The following SETD1A variants were observed in gnomAD, a reference collection of about 807,000 sequenced individuals.
SETD1A encodes the protein histone-lysine N-methyltransferase SETD1A.
SETD1A carries 29 observed loss-of-function variants against 149.9 expected under a neutral mutation model. That is an observed-to-expected ratio of 0.19 (90% confidence interval 0.14 to 0.26). The LOEUF is 0.26. Ranked by LOEUF, SETD1A falls within the 10% of genes least tolerant of loss-of-function variation. SETD1A has a pLI of 1.00. For synonymous variants in SETD1A, 1,141 were observed against 968.5 expected (o/e 1.18, Z -3.31); for missense variants, 2,109 against 2,353.1 (o/e 0.90, Z 2.15).
In SETD1A at chr16:30,964,138, A is replaced by G. The variant is rs759995323; in HGVS notation, c.684A>G (p.Pro228=). The G allele has an allele frequency of 1.2e-6, 2 of 1,613,982 alleles. No individual in the cohort carries two copies. Among genetic ancestry groups the G allele is most frequent in the South Asian group, 1.1e-5 (1 of 91,078 alleles). The part of the protein sequence containing the change: ...RRSSSDTAAY[P]AGTTAVGTPG... ...CTTCCTCTGACACAGCTGCCTACCCAGCAGGCACCACTGCGGTGGGCACTC... is the reference window on the plus strand; with the variant it reads ...CTTCCTCTGACACAGCTGCCTACCCGGCAGGCACCACTGCGGTGGGCACTC... The change falls in exon 6 of 19, where the codon CCA becomes CCG. Residue 228 remains proline, a synonymous_variant. Transcript: ENST00000262519.
At position 30,966,106 on chromosome 16, in the gene SETD1A, C is replaced by T. The variant is rs768977046; in HGVS notation, c.2225C>T (p.Ala742Val). The change falls in exon 8 of 19, where the codon GCA (alanine) becomes GTA (valine). Residue 742 changes from alanine (A) to valine (V), a missense_variant. Transcript: ENST00000262519. ...GCACAGGGGCAGGAGGGCAGAGGGGCATACTCACGGGAGGCCTACCACCTG... is the reference window on the plus strand; with the variant it reads ...GCACAGGGGCAGGAGGGCAGAGGGGTATACTCACGGGAGGCCTACCACCTG... ...LYAQGQEGRG[A>V]YSREAYHLPM... 6.3e-7 allele frequency: 1 copy of T among 1,597,300 alleles called. No individual in the cohort carries two copies. The highest frequency in any genetic ancestry group is 1.1e-5 in the South Asian group (1 of 89,104).
In SETD1A at chr16:30,969,670, G is replaced by A. The variant is rs774949001; in HGVS notation, c.2997G>A (p.Lys999=). ...DREEAVDTTK[K]ETEVSDGEDE... The stretch of plus-strand genomic sequence containing the variant: ...AGGAAGCTGTGGATACCACAAAGAA[G>A]GAGACAGAGGTGTCGGATGGTGAGC... Residue 999 remains lysine (K), a synonymous_variant, in exon 12 of 19, where the codon AAG becomes AAA. Coordinates refer to ENST00000262519, the MANE Select transcript of SETD1A (RefSeq NM_014712.3). 3.1e-6 allele frequency: 5 copies of A among 1,613,962 alleles called. No homozygotes were observed. The South Asian group carries it at 5.5e-5, about 18-fold the overall frequency.
chr16:30,978,902 T>C (rs2056320325), intron 13 of SETD1A, among the ~76,000 whole-genome samples: 1 of 152,128 alleles, frequency 6.6e-6, no homozygotes, highest in Admixed American at 6.5e-5. Flanking sequence ...ACATGGAAGG[T>C]GTGTGTGTGG....
intron 13 of SETD1A, among the ~76,000 whole-genome samples, chr16:30,978,274 A>C (rs2056312068): frequency 6.8e-6 from 1 of 147,172 alleles, no homozygotes; most frequent in Non-Finnish European, 1.5e-5. Context: ...CCCCATCTCA[A>C]AAAAAAAAAA....
In SETD1A at chr16:30,983,783, G is replaced by A. The variant is rs752860100; in HGVS notation, c.4950+11G>A. 6.2e-7 allele frequency: 1 copy of A among 1,613,476 alleles called. No homozygotes were observed. Among genetic ancestry groups the A allele is most frequent in the Non-Finnish European group, 8.5e-7 (1 of 1,179,584 alleles). ...AACCACTGCTGCACGGTGCGCCAGG[G>A]GCCAGCCGGGGCAGGAGTTGGGGGT... On this transcript the variant is annotated intron_variant, in intron 18 of 18. Coordinates refer to ENST00000262519, the MANE Select transcript of SETD1A (RefSeq NM_014712.3). The surrounding 1 kb of genome is among the most constrained non-coding windows in gnomAD (Gnocchi z 6.8).
At chr16:30,977,409 C>A (rs1180169041) in intron 13 of SETD1A, among the ~76,000 whole-genome samples, 2 of 152,204 alleles carry the variant, frequency 1.3e-5, no homozygotes, top group Non-Finnish European at 2.9e-5. Flanking sequence ...GAGCAGTTCT[C>A]AGAGGAAGGT....
At position 30,973,251 on chromosome 16, in the gene SETD1A, A is replaced by G. The variant is rs546654775; in HGVS notation, c.3358+1532A>G. Among the ~76,000 whole-genome samples the G allele has an allele frequency of 2.0e-5, 3 of 152,296 alleles. No homozygotes were observed. In the East Asian group the frequency reaches 5.8e-4, roughly 29 times the overall value. Reference sequence around the variant, plus strand: ...ACATGGTCAGATGTATGTTTCGAAAAAATGCAGTGCAGAGAAAGCTTGGAA... The same window carrying G: ...ACATGGTCAGATGTATGTTTCGAAAGAATGCAGTGCAGAGAAAGCTTGGAA... On this transcript the variant is annotated intron_variant, in intron 13 of 18. Coordinates refer to ENST00000262519, the MANE Select transcript of SETD1A (RefSeq NM_014712.3).
chr16:30,979,269 C>T lies in SETD1A; in HGVS notation c.3483C>T (p.Pro1161=). The T allele has an allele frequency of 6.2e-7, 1 of 1,613,362 alleles. No homozygotes were observed. Among genetic ancestry groups the T allele is most frequent in the Non-Finnish European group, 8.5e-7 (1 of 1,179,614 alleles). Residue 1161 remains proline (P), a synonymous_variant, in exon 14 of 19, where the codon CCC becomes CCT. Coordinates refer to ENST00000262519, the MANE Select transcript of SETD1A (RefSeq NM_014712.3). ...CTCCCATCCCCCTCCTGCCCCCACC[C>T]AAGAAACGCCGGAAAACTGTCTCCT... ...PSSPIPLLPP[P]KKRRKTVSFS...
chr16:30,963,165 C>T (rs1401346140), intron 4 of SETD1A, among the ~76,000 whole-genome samples: 1 of 152,190 alleles, frequency 6.6e-6, no homozygotes, highest in Non-Finnish European at 1.5e-5. Flanking sequence ...GGTACTGATG[C>T]TTCCCTTCTG....
At position 30,983,718 on chromosome 16, in the gene SETD1A, C is replaced by A. The variant is rs745317348; in HGVS notation, c.4896C>A (p.Ile1632=). ...TGTTCCGGGTGGACCACGACACCAT[C>A]ATCGATGCCACCAAGTGTGGCAACC... ...SYLFRVDHDT[I]IDATKCGNLA... is the part of the protein sequence containing the mutation. Residue 1632 remains isoleucine (I), a synonymous_variant, in exon 18 of 19, where the codon ATC becomes ATA. Coordinates refer to ENST00000262519, the MANE Select transcript of SETD1A (RefSeq NM_014712.3). The surrounding 1 kb of genome is among the most constrained non-coding windows in gnomAD (Gnocchi z 6.8). The A allele has an allele frequency of 6.2e-7, 1 of 1,614,150 alleles. No individual in the cohort carries two copies. The highest frequency in any genetic ancestry group is 1.1e-5 in the South Asian group (1 of 91,072).
rs537371612 is a variant in SETD1A at position 30,979,375 on chromosome 16, C to T, written c.3589C>T (p.Arg1197Cys). ...PQAKFPGPAS[R>C]KAPRGVERTI... ...GGCCAAGTTTCCCGGCCCAGCCTCC[C>T]GCAAGGCTCCCCGGGGCGTGGAGCG... is the stretch of plus-strand genomic sequence containing the variant. The change falls in exon 14 of 19, where the codon CGC (arginine) becomes TGC (cysteine). Residue 1197 changes from arginine to cysteine, a missense_variant. By Grantham distance (180) the Arg-to-Cys change is radical. Around this residue, in one of 8 missense-constraint regions of SETD1A, gnomAD observed 832 missense variants for 815.6 expected, o/e 1.02. Coordinates refer to ENST00000262519, the MANE Select transcript of SETD1A (RefSeq NM_014712.3). 192 of 1,612,642 alleles carry T rather than the reference C, an allele frequency of 1.2e-4. 1 individual carries two copies. Among genetic ancestry groups the T allele is most frequent in the South Asian group, 7.4e-4 (67 of 90,962 alleles).
At chr16:30,960,714 AT>A (rs1390545334) in intron 3 of SETD1A, among the ~76,000 whole-genome samples, 1 of 94,112 alleles carries the variant, frequency 1.1e-5, no homozygotes, top group African/African-American at 3.1e-5. Flanking sequence ...CAGTGTGTAC[AT>A]TTCTTTCTTT....
At position 30,969,456 on chromosome 16, in the gene SETD1A, G is replaced by A. The variant is rs76415929; in HGVS notation, c.2922G>A (p.Ser974=). The change falls in exon 11 of 19, where the codon TCG becomes TCA. Residue 974 remains serine (S), a synonymous_variant. Coordinates refer to ENST00000262519, the MANE Select transcript of SETD1A (RefSeq NM_014712.3). Reference sequence around the variant, plus strand: ...AGGAGGCATCCCAGGAGTCCTCCTCGGAGAAGGTGAGGGCCCGGGCGCCGG... The same window carrying A: ...AGGAGGCATCCCAGGAGTCCTCCTCAGAGAAGGTGAGGGCCCGGGCGCCGG... The part of the protein sequence containing the change: ...EGEEASQESS[S]EKDEEDDEED... 3.6e-3 allele frequency: 5,811 copies of A among 1,610,256 alleles called. 57 individuals carry two copies. The highest frequency in any genetic ancestry group is 0.035 in the African/African-American group (2,641 of 74,966).
At chr16:30,977,960 G>A (rs1395121675) in intron 13 of SETD1A, among the ~76,000 whole-genome samples, 5 of 152,154 alleles carry the variant, frequency 3.3e-5, no homozygotes, top group African/African-American at 1.2e-4. Flanking sequence ...ACATCTCTGT[G>A]CCTCAGTTTT....
chr16:30,966,164 C>T lies in SETD1A; in HGVS notation c.2283C>T (p.Ser761=). The T allele has an allele frequency of 6.2e-7, 1 of 1,609,520 alleles. No homozygotes were observed. The highest frequency in any genetic ancestry group is 8.5e-7 in the Non-Finnish European group (1 of 1,177,618). The change falls in exon 8 of 19, where the codon TCC becomes TCT. Residue 761 remains serine (S), a synonymous_variant. Transcript: ENST00000262519. ...CAATGGCAGCCGAGCCCCTGCCCTC[C>T]TCCTCAGTCTCGGGAGAGGAGGCCC... ...PMPMAAEPLP[S]SSVSGEEARL... is the part of the protein sequence containing the mutation.
In SETD1A at chr16:30,983,544, G is replaced by A. The variant is rs2056411142; in HGVS notation, c.4813-91G>A. 7.6e-6 allele frequency: 11 copies of A among 1,453,454 alleles called. No individual in the cohort carries two copies. The highest frequency in any genetic ancestry group is 4.7e-5 in the East Asian group (2 of 42,822). The allele number at this position is 1,453,454 out of a possible 1,614,324, so 90.0% of individuals were successfully genotyped here. On this transcript the variant is annotated intron_variant, in intron 17 of 18. Coordinates refer to ENST00000262519, the MANE Select transcript of SETD1A (RefSeq NM_014712.3). The surrounding 1 kb of genome is among the most constrained non-coding windows in gnomAD (Gnocchi z 6.8). The stretch of plus-strand genomic sequence containing the variant: ...AGGCAGAGCTGCAGCTCCAGGCCTG[G>A]TGGGCGTGGACCTGGGGTGCTGGCT...
chr16:30,984,074 G>C lies in SETD1A; in HGVS notation c.*51G>C, dbSNP rs2056421723. On this transcript the variant is annotated 3_prime_UTR_variant, in exon 19 of 19. Transcript: ENST00000262519. The stretch of plus-strand genomic sequence containing the variant: ...CCCTATTTATTCCCCCTGGTGCCCT[G>C]AGCTCCCAGCACCCCCCCAGCCTTA... 1 of 1,534,708 alleles carries C rather than the reference G, an allele frequency of 6.5e-7. No individual in the cohort carries two copies. Among genetic ancestry groups the C allele is most frequent in the South Asian group, 1.2e-5 (1 of 81,920 alleles).
chr16:30,971,247 C>T (rs1457979779), intron 12 of SETD1A, 131 bp from the exon 13 acceptor site: 1 of 906,612 alleles, frequency 1.1e-6, no homozygotes, highest in Non-Finnish European at 1.7e-6. Context: ...GCTTATGCAG[C>T]TCCTTGGTCT....
At chr16:30,958,587 CCCG>C in intron 1 of SETD1A, 127 bp from the exon 2 acceptor site, 1 of 741,212 alleles carries the variant, frequency 1.3e-6, no homozygotes, top group Middle Eastern at 3.4e-4. Context: ...CCGGGGGAGC[CCCG>C]GGTCAGGGTG....
Sources: gnomAD v4.1 joint callset for allele counts (sites outside exome capture counted in the v4.1 genomes callset) on GRCh38, gnomAD v4.1.1 for gene constraint, gnomAD v4.1.1 regional missense constraint, Gnocchi (gnomAD v3.1) non-coding constraint, MANE v1.5 for transcripts, NCBI Gene and HGNC (gene_info 2026-07-23, HGNC 2026-07-21) for gene names.